PCDHA2: variants seen among roughly 807,000 people sequenced by gnomAD.
PCDHA2 encodes the protein protocadherin alpha-2.
In PCDHA2, 58 loss-of-function variants were observed where a neutral mutation model predicts 66.0. That is an observed-to-expected ratio of 0.88 (90% CI 0.71 to 1.09). The LOEUF (loss-of-function observed/expected upper bound fraction) is 1.09. Ranked by LOEUF, PCDHA2 falls within the 50% of genes least tolerant of loss-of-function variation. The pLI is 0.00. For missense variants in PCDHA2, 1,267 were observed against 1,242.3 expected, an observed-to-expected ratio of 1.02 and a Z score of -0.30; for synonymous variants, 634 against 554.0, an observed-to-expected ratio of 1.14 and a Z score of -2.03.
chr5:140,923,644 C>G (rs1554201552), intron 1 of PCDHA2, among the ~76,000 whole-genome samples: 1 of 152,204 alleles, frequency 6.6e-6, no homozygotes. Flanking sequence ...AAATCTTTAG[C>G]CTCCCTTATC....
intron 1 of PCDHA2, among the ~76,000 whole-genome samples, chr5:140,837,515 A>AT (rs1775086466): frequency 2.1e-5 from 2 of 96,498 alleles, no homozygotes; most frequent in Admixed American, 9.8e-5. Flanking sequence ...GAAGCAGTTT[A>AT]CTTTTTTTGT....
At chr5:140,876,947 A>G in intron 1 of PCDHA2, 5 of 1,613,496 alleles carry the variant, frequency 3.1e-6, no homozygotes, top group South Asian at 1.1e-5. Flanking sequence ...CTGGTGTCCT[A>G]CTCGCTGGTG....
intron 1 of PCDHA2, among the ~76,000 whole-genome samples, chr5:140,924,207 T>C (rs2081717308): frequency 6.6e-6 from 1 of 152,198 alleles, no homozygotes. Flanking sequence ...AGAAATTTGG[T>C]GAAGAATAAG....
At chr5:140,805,679 C>T in intron 1 of PCDHA2, 1 of 805,768 alleles carries the variant, frequency 1.2e-6, no homozygotes, top group Non-Finnish European at 1.5e-6. Context: ...CAGGATGATT[C>T]AAAGATCATG....
intron 1 of PCDHA2, among the ~76,000 whole-genome samples, chr5:140,895,850 AC>A (rs2065202764): frequency 6.6e-6 from 1 of 152,110 alleles, no homozygotes; most frequent in Non-Finnish European, 1.5e-5. Context: ...TCACTCTTGT[AC>A]CCCAGGCTGG....
chr5:140,845,775 A>G (rs1469360011), intron 1 of PCDHA2, among the ~76,000 whole-genome samples: 1 of 149,718 alleles, frequency 6.7e-6, no homozygotes, highest in Non-Finnish European at 1.5e-5. Context: ...ATAGTTATAA[A>G]TTATTAATAA....
intron 3 of PCDHA2, among the ~76,000 whole-genome samples, chr5:141,007,395 C>CAAAAAAAAAAAAAA (rs35800918): frequency 1.1e-5 from 1 of 94,866 alleles, no homozygotes; most frequent in Non-Finnish European, 2.1e-5. Context: ...TACTAAAATA[C>CAAAAAAAAAAAAAA]AAAAAAAAAA....
At chr5:140,800,348 T>C (rs1762542792) in intron 1 of PCDHA2, among the ~76,000 whole-genome samples, 2 of 152,094 alleles carry the variant, frequency 1.3e-5, no homozygotes, top group African/African-American at 4.8e-5. Flanking sequence ...CTATAGTTCT[T>C]GAAAAAGGGG....
chr5:140,835,568 C>G lies in PCDHA2; in HGVS notation c.2388+38216C>G, dbSNP rs2150238425. ...GCTCCCTGACGCCCCGCGTTCCCTT[C>G]AAGTTGGTGTCCACCTTCAAGAATT... On this transcript the variant is annotated intron_variant, in intron 1 of 3. Coordinates refer to ENST00000526136, the MANE Select transcript of PCDHA2 (RefSeq NM_018905.3). 2.5e-6 allele frequency: 4 copies of G among 1,613,812 alleles called. No homozygotes were observed. The highest frequency in any genetic ancestry group is 3.4e-6 in the Non-Finnish European group (4 of 1,179,876).
In PCDHA2 at chr5:140,849,626, A is replaced by C. The variant is rs141672026; in HGVS notation, c.2388+52274A>C. ...TTGCCCTGATTAGTGTGATCGACCT[A>C]GACGCAGATGCCAACGGGCAGGTTA... On this transcript the variant is annotated intron_variant, in intron 1 of 3. Transcript: ENST00000526136. 6.8e-4 allele frequency: 1,095 copies of C among 1,598,786 alleles called. 108 individuals carry two copies. The highest frequency in any genetic ancestry group is 1.2e-3 in the South Asian group (106 of 90,568).
intron 1 of PCDHA2, chr5:140,929,130 A>C (rs1554206719): frequency 1.2e-6 from 2 of 1,614,168 alleles, no homozygotes; most frequent in Non-Finnish European, 1.7e-6. Flanking sequence ...ATGTCACTAC[A>C]GTTGAGAGAC....
In PCDHA2 at chr5:140,858,199, T is replaced by C. The variant is rs142593526; in HGVS notation, c.2388+60847T>C. The C allele has an allele frequency of 1.4e-4, 227 of 1,596,922 alleles. 11 individuals carry two copies. The African/African-American group carries it at 2.3e-3, about 16-fold the overall frequency. On this transcript the variant is annotated intron_variant, in intron 1 of 3. Coordinates refer to ENST00000526136, the MANE Select transcript of PCDHA2 (RefSeq NM_018905.3). ...TGGTGCTCACGCTGCTGCTGTACAC[T>C]GCACTGAGGTGCTCGGCGGCGCCCA...
chr5:140,824,618 T>TTTTTTTTTA (rs1562279613), intron 1 of PCDHA2: 1 of 128,814 alleles, frequency 7.8e-6, no homozygotes, highest in Middle Eastern at 3.3e-3. Flanking sequence ...AAGTTTTTTT[T>TTTTTTTTTA]TTTTTTTTTT....
intron 1 of PCDHA2, chr5:140,836,302 C>T (rs2150257183): frequency 1.7e-5 from 28 of 1,613,614 alleles, no homozygotes; most frequent in Non-Finnish European, 2.3e-5. Context: ...CTAGATGAGA[C>T]GGACGCACCG....
chr5:140,829,373 C>T (rs1202815393), intron 1 of PCDHA2: 3 of 1,614,082 alleles, frequency 1.9e-6, no homozygotes, highest in South Asian at 1.1e-5. Context: ...GGTAACCGCG[C>T]GGGACGGGGG....
chr5:140,924,229 T>A (rs543275737), intron 1 of PCDHA2, among the ~76,000 whole-genome samples: 4 of 152,376 alleles, frequency 2.6e-5, no homozygotes, highest in African/African-American at 9.6e-5. Flanking sequence ...TCAATTTTTA[T>A]GGGCTGTTTT....
intron 1 of PCDHA2, chr5:140,927,619 C>G: frequency 6.2e-7 from 1 of 1,614,170 alleles, no homozygotes; most frequent in Non-Finnish European, 8.5e-7. Flanking sequence ...CACCAAGGTT[C>G]CAGAGACTGC....
At chr5:140,802,923 G>A (rs782417048) in intron 1 of PCDHA2, 1 of 1,613,782 alleles carries the variant, frequency 6.2e-7, no homozygotes, top group Non-Finnish European at 8.5e-7. Context: ...CATCGGTGGC[G>A]CAGTGAGCGA....
intron 1 of PCDHA2, chr5:140,858,108 C>A (rs781859966): frequency 3.1e-6 from 5 of 1,597,590 alleles, no homozygotes; most frequent in Non-Finnish European, 4.3e-6. Context: ...GGCGTGGCGC[C>A]CGAGGTGGCC....
Sources: gnomAD v4.1 joint callset for allele counts (sites outside exome capture counted in the v4.1 genomes callset) on GRCh38, gnomAD v4.1.1 for gene constraint, MANE v1.5 for transcripts, NCBI Gene and HGNC (gene_info 2026-07-23, HGNC 2026-07-21) for gene names.